The following ARHGAP36 variants were observed in gnomAD, a reference collection of about 807,000 sequenced individuals.
The protein encoded by ARHGAP36 is Rho GTPase activating protein 36, also known as rho GTPase-activating protein 36.
Under a neutral mutation model 32.9 loss-of-function variants are expected in ARHGAP36, and 7 were observed. The ratio of observed to expected loss-of-function variants is 0.21; its 90% CI spans 0.12 to 0.40. The LOEUF is 0.40. Among genes scored for constraint, ARHGAP36 ranks in the 10% least tolerant of loss-of-function variants. The probability of loss-of-function intolerance (pLI) is 1.00; values close to 1 mark genes in which losing one functional copy is unlikely to be tolerated. For synonymous variants in ARHGAP36, 165 were observed against 168.3 expected (o/e 0.98, Z 0.15); for missense variants, 383 against 442.2 (o/e 0.87, Z 1.20).
At chrX:131,071,333 C>A (rs949022439) in intron 1 of ARHGAP36, among the ~76,000 whole-genome samples, 1 of 111,060 alleles carries the variant, frequency 9.0e-6, no homozygotes, top group African/African-American at 3.3e-5. Context: ...CCACTTACAG[C>A]AGGAGGAGAG....
Position 131,084,988 on chromosome X carries a change from C to T in ARHGAP36, c.879C>T (p.Leu293=), listed in dbSNP as rs755635983. ...AGAATGTGCATGATGTGGCTGCACT[C>T]CTCAAGGAGTTTTTCCGTGACATGA... is the stretch of plus-strand genomic sequence containing the variant. ...DNQNVHDVAA[L]LKEFFRDMKD... Residue 293 remains leucine, a synonymous_variant, in exon 7 of 12, where the codon CTC becomes CTT. Transcript: ENST00000276211. The T allele has an allele frequency of 6.6e-6, 8 of 1,211,570 alleles. No homozygotes were observed. In the South Asian group the frequency reaches 1.2e-4, roughly 19 times the overall value.
At chrX:131,068,356 G>T (rs1208315231) in intron 1 of ARHGAP36, among the ~76,000 whole-genome samples, 1 of 112,164 alleles carries the variant, frequency 8.9e-6, no homozygotes, top group Non-Finnish European at 1.9e-5. Context: ...GGGGATGAGC[G>T]AGCCAGGCGG....
rs1271637418 is a variant in ARHGAP36, at chrX:131,078,727, A to G, written c.-142-2797A>G. On this transcript the variant is annotated intron_variant, in intron 1 of 11. Transcript: ENST00000276211. ...TAAATCTGCTTCTGTATTGTATGCT[A>G]CTGGCACCTTGAGAAGGTTGAAAGC... 3.1e-6 allele frequency: 3 copies of G among 979,744 alleles called. No homozygotes were observed. The African/African-American group carries it at 6.0e-5, about 20-fold the overall frequency. 80.7% of individuals were successfully genotyped at this position (979,744 alleles called of 1,213,427 possible). A position where few individuals can be genotyped will look rare whatever the true frequency, so the allele number is the denominator to read the frequency against.
Position 131,058,380 on chromosome X carries a change from G to T in ARHGAP36, c.-207G>T, listed in dbSNP as rs772724318. 1.4e-5 allele frequency: 16 copies of T among 1,124,051 alleles called. No individual in the cohort carries two copies. The African/African-American group carries it at 2.4e-4, about 17-fold the overall frequency. The allele number at this position is 1,124,051 out of a possible 1,213,427, so 92.6% of individuals were successfully genotyped here. On this transcript the variant is annotated 5_prime_UTR_variant, in exon 1 of 12. Transcript: ENST00000276211. Reference sequence around the variant, plus strand: ...AACTGCGAGCTGCCGGGCACTCAGCGCGGGTCATGGCGTGGATACTGGACT... The same window carrying T: ...AACTGCGAGCTGCCGGGCACTCAGCTCGGGTCATGGCGTGGATACTGGACT...
At chrX:131,060,368 A>G (rs1378696502) in intron 1 of ARHGAP36, among the ~76,000 whole-genome samples, 7 of 111,261 alleles carry the variant, frequency 6.3e-5, no homozygotes, top group Admixed American at 1.9e-4. Context: ...CACACCCATA[A>G]CATACACATT....
At chrX:131,080,685 A>G (rs998276328) in intron 1 of ARHGAP36, among the ~76,000 whole-genome samples, 2 of 112,502 alleles carry the variant, frequency 1.8e-5, no homozygotes, top group African/African-American at 3.2e-5. Flanking sequence ...TTTGATACCA[A>G]TTCTGTTTAA....
chrX:131,058,710 C>CGA (rs2079653863), intron 1 of ARHGAP36, among the ~76,000 whole-genome samples: 1 of 113,492 alleles, frequency 8.8e-6, no homozygotes, highest in Non-Finnish European at 1.9e-5. Flanking sequence ...GGCTCAGCCG[C>CGA]CGGCAGGGAC....
chrX:131,069,844 A>G (rs761059205), intron 1 of ARHGAP36, among the ~76,000 whole-genome samples: 2 of 111,999 alleles, frequency 1.8e-5, no homozygotes, highest in Non-Finnish European at 3.8e-5. Flanking sequence ...TTTCCTTCTT[A>G]CAGAGATGCC....
chrX:131,079,567 T>TTG (rs1274694869), intron 1 of ARHGAP36, among the ~76,000 whole-genome samples: 19 of 107,706 alleles, frequency 1.8e-4, no homozygotes, highest in Non-Finnish European at 3.1e-4. Context: ...TTTTTGTTTT[T>TTG]TTTTTTTTGG....
chrX:131,087,763 G>A lies in ARHGAP36; in HGVS notation c.1487-865G>A, dbSNP rs759581561. Among the ~76,000 whole-genome samples the A allele has an allele frequency of 7.2e-5, 8 of 111,743 alleles. No homozygotes were observed. The South Asian group carries it at 1.2e-3, about 16-fold the overall frequency. On this transcript the variant is annotated intron_variant, in intron 11 of 11. Transcript: ENST00000276211. ...AAGCCTCAGATATTGAAGAAATTCC[G>A]GGACGTGAAGAAGCCTCTGATGTTA... is the stretch of plus-strand genomic sequence containing the variant.
chrX:131,083,103 T>G, intron 2 of ARHGAP36, 62 bp from the exon 3 acceptor site: 17 of 1,066,174 alleles, frequency 1.6e-5, no homozygotes, highest in South Asian at 2.0e-5. Context: ...GGCATTGGGA[T>G]GTTTTAGTCA....
chrX:131,066,031 GC>G (rs1304381558), intron 1 of ARHGAP36, among the ~76,000 whole-genome samples: 1 of 111,048 alleles, frequency 9.0e-6, no homozygotes, highest in Non-Finnish European at 1.9e-5. Context: ...ATGACATCAT[GC>G]CCCCCCATAA....
At chrX:131,075,689 C>T (rs763859587) in intron 1 of ARHGAP36, among the ~76,000 whole-genome samples, 8 of 107,754 alleles carry the variant, frequency 7.4e-5, no homozygotes, top group South Asian at 4.2e-4. Flanking sequence ...TCATTTCCCA[C>T]GGAATGGCAC....
chrX:131,075,723 C>T (rs954301046), intron 1 of ARHGAP36, among the ~76,000 whole-genome samples: 1 of 108,575 alleles, frequency 9.2e-6, no homozygotes, highest in African/African-American at 3.4e-5. Flanking sequence ...AAAATAATAC[C>T]TCAAAAATCC....
chrX:131,084,531 T>G, intron 5 of ARHGAP36, 95 bp from the exon 6 acceptor site: 1 of 1,129,040 alleles, frequency 8.9e-7, no homozygotes, highest in Admixed American at 2.3e-5. Context: ...TGACACCCAG[T>G]GGAGGTCGCG....
intron 1 of ARHGAP36, chrX:131,078,640 G>C (rs1237593312): frequency 1.5e-6 from 1 of 674,586 alleles, no homozygotes; most frequent in East Asian, 9.0e-5. Context: ...GCGAAAGCCT[G>C]CCTACTCATT....
intron 11 of ARHGAP36, among the ~76,000 whole-genome samples, chrX:131,087,446 A>G (rs2079841255): frequency 9.0e-6 from 1 of 111,610 alleles, no homozygotes; most frequent in Admixed American, 9.5e-5. Context: ...CCTGGTGGAC[A>G]TGAAATCCCA....
At chrX:131,064,651 A>G (rs2079687650) in intron 1 of ARHGAP36, among the ~76,000 whole-genome samples, 1 of 111,642 alleles carries the variant, frequency 9.0e-6, no homozygotes, top group Admixed American at 9.5e-5. Context: ...GAGGTGAAGT[A>G]TCCTTCCCAA....
At chrX:131,069,264 T>G (rs1331978330) in intron 1 of ARHGAP36, among the ~76,000 whole-genome samples, 1 of 111,812 alleles carries the variant, frequency 8.9e-6, no homozygotes, top group Admixed American at 9.4e-5. Flanking sequence ...TTCTTTTCTG[T>G]GGAGATGGAC....
Sources: gnomAD v4.1 joint callset for allele counts (sites outside exome capture counted in the v4.1 genomes callset) on GRCh38, gnomAD v4.1.1 for gene constraint, MANE v1.5 for transcripts, NCBI Gene and HGNC (gene_info 2026-07-23, HGNC 2026-07-21) for gene names.